The following TECPR2 variants were observed in gnomAD, a reference collection of about 807,000 sequenced individuals.
TECPR2 encodes the protein tectonin beta-propeller repeat containing 2.
TECPR2 carries 65 observed loss-of-function variants against 138.1 expected under a neutral mutation model. The ratio of observed to expected loss-of-function variants is 0.47; its 90% CI spans 0.39 to 0.58. The LOEUF (loss-of-function observed/expected upper bound fraction) is 0.58. Ranked by LOEUF, TECPR2 falls within the 20% of genes least tolerant of loss-of-function variation. The pLI, the probability that TECPR2 is intolerant of heterozygous loss-of-function variation, is 0.00. For synonymous variants in TECPR2, 746 were observed against 749.8 expected (o/e 0.99, Z 0.08); for missense variants, 1,553 against 1,824.5 (o/e 0.85, Z 2.71).
chr14:102,490,669 C>T (rs534166506), intron 17 of TECPR2, among the ~76,000 whole-genome samples: 2 of 152,286 alleles, frequency 1.3e-5, no homozygotes, highest in African/African-American at 4.8e-5. Flanking sequence ...AGAGCAGACA[C>T]CCCAGGGCCA....
chr14:102,381,448 C>T (rs1479407779), intron 2 of TECPR2, among the ~76,000 whole-genome samples: 2 of 152,196 alleles, frequency 1.3e-5, no homozygotes, highest in South Asian at 2.1e-4. Context: ...GTGGCTCATG[C>T]CTGTAATCCC....
intron 2 of TECPR2, among the ~76,000 whole-genome samples, chr14:102,406,400 G>A (rs1321406639): frequency 1.3e-5 from 2 of 151,972 alleles, no homozygotes; most frequent in Non-Finnish European, 2.9e-5. Flanking sequence ...TACAAAAAAA[G>A]CGGGGCGTGG....
At position 102,384,332 on chromosome 14, in the gene TECPR2, A is replaced by G. The variant is rs962218969; in HGVS notation, c.219+7392A>G. On this transcript the variant is annotated intron_variant, in intron 2 of 19. Coordinates refer to ENST00000359520, the MANE Select transcript of TECPR2 (RefSeq NM_014844.5). ...GGCAGCTGCATCTGGTGGGGACCTC[A>G]TGCTGCTTCCACTCATGGTGGGAAT... Among the ~76,000 whole-genome samples, 8 of 152,136 alleles carry G rather than the reference A, an allele frequency of 5.3e-5. No homozygotes were observed. In the East Asian group the frequency reaches 1.4e-3, roughly 26 times the overall value.
At chr14:102,366,260 G>A (rs1055093769) in intron 1 of TECPR2, among the ~76,000 whole-genome samples, 1 of 152,150 alleles carries the variant, frequency 6.6e-6, no homozygotes, top group Non-Finnish European at 1.5e-5. Context: ...AGGAAGCATC[G>A]TAACTTGAAG....
rs535984240 is a variant in TECPR2 at position 102,452,894 on chromosome 14, G to C, written c.3640+267G>C. ...GCGTCCTCAGGTCAAGGGGCCACTC[G>C]CTGCGAGCGGCTTGAAGGATACTGG... is the stretch of plus-strand genomic sequence containing the variant. On this transcript the variant is annotated intron_variant, in intron 16 of 19. Coordinates refer to ENST00000359520, the MANE Select transcript of TECPR2 (RefSeq NM_014844.5). 3.3e-5 allele frequency among the ~76,000 whole-genome samples: 5 copies of C among 152,318 alleles called. No individual in the cohort carries two copies. The East Asian group carries it at 9.7e-4, about 29-fold the overall frequency.
At chr14:102,457,982 T>A (rs1161114046) in intron 16 of TECPR2, among the ~76,000 whole-genome samples, 1 of 149,544 alleles carries the variant, frequency 6.7e-6, no homozygotes, top group African/African-American at 2.5e-5. Flanking sequence ...CAAGCGATTC[T>A]CCTGCCTCAG....
intron 16 of TECPR2, among the ~76,000 whole-genome samples, chr14:102,458,167 C>T (rs1436169226): frequency 6.6e-6 from 1 of 152,142 alleles, no homozygotes; most frequent in Non-Finnish European, 1.5e-5. Flanking sequence ...AGCCACTGAG[C>T]CCTGCTGCTC....
chr14:102,376,041 G>A (rs1251384141), intron 1 of TECPR2, among the ~76,000 whole-genome samples: 1 of 152,192 alleles, frequency 6.6e-6, no homozygotes, highest in Non-Finnish European at 1.5e-5. Context: ...AGAGTAAGGT[G>A]CTGTGTGGCT....
At chr14:102,425,397 GA>G (rs1167865372) in intron 6 of TECPR2, 106 bp downstream of exon 6, 8 of 1,122,210 alleles carry the variant, frequency 7.1e-6, no homozygotes, top group Non-Finnish European at 1.2e-6. Flanking sequence ...GAGCAGTATT[GA>G]CTTACACTTT....
chr14:102,412,612 C>CT lies in TECPR2; in HGVS notation c.481-2010dup, dbSNP rs755517514. On this transcript the variant is annotated intron_variant, in intron 4 of 19. Coordinates refer to ENST00000359520, the MANE Select transcript of TECPR2 (RefSeq NM_014844.5). ...TACTTGTTTTCCTTGAAGTGACAGGCTTTTTTTTTTTTTTGAGAAAATGTC... is the reference window on the plus strand; with the variant it reads ...TACTTGTTTTCCTTGAAGTGACAGGCTTTTTTTTTTTTTTTGAGAAAATGTC... Among the ~76,000 whole-genome samples the CT allele has an allele frequency of 1.9e-3, 263 of 138,368 alleles. 1 individual carries two copies. Among genetic ancestry groups the CT allele is most frequent in the Middle Eastern group, 3.7e-3 (1 of 270 alleles). The allele number at this position is 138,368 out of a possible 152,430, so 90.8% of individuals were successfully genotyped here.
rs1309353 is a variant in TECPR2 at position 102,428,256 on chromosome 14, G to A, written c.958G>A (p.Val320Ile). 0.94 allele frequency: 1,399,554 copies of A among 1,495,682 alleles called. 658,045 individuals are homozygous for A. Among genetic ancestry groups the A allele is most frequent in the African/African-American group, 0.99 (62,156 of 62,940 alleles). 92.7% of individuals were successfully genotyped at this position (1,495,682 alleles called of 1,614,324 possible). ...YLLDTVNQAT[V>I]AGLEGSGDIV... is the part of the protein sequence containing the mutation. ...TTTTTTTTTTTTTTGACAGGCCACAGTTGCTGGTTTGGAAGGATCCGGTGA... is the reference window on the plus strand; with the variant it reads ...TTTTTTTTTTTTTTGACAGGCCACAATTGCTGGTTTGGAAGGATCCGGTGA... Residue 320 changes from valine (V) to isoleucine (I), a missense_variant, in exon 7 of 20, where the codon GTT becomes ATT. By Grantham distance (29) the Val-to-Ile change is conservative. Coordinates refer to ENST00000359520, the MANE Select transcript of TECPR2 (RefSeq NM_014844.5).
rs1011917420 is a variant in TECPR2 at position 102,419,034 on chromosome 14, G to A, written c.638+4241G>A. ...AGAGCTGGCGTGGGAGGCGGGTGGCGGGTGTACCTCTCGGGGAGCTGTGCG... is the reference window on the plus strand; with the variant it reads ...AGAGCTGGCGTGGGAGGCGGGTGGCAGGTGTACCTCTCGGGGAGCTGTGCG... On this transcript the variant is annotated intron_variant, in intron 5 of 19. Coordinates refer to ENST00000359520, the MANE Select transcript of TECPR2 (RefSeq NM_014844.5). This position sits in a 1 kb window ranked among gnomAD's most constrained non-coding sequence, Gnocchi z 4.8. Among the ~76,000 whole-genome samples the A allele has an allele frequency of 6.6e-6, 1 of 152,066 alleles. No individual in the cohort carries two copies. The highest frequency in any genetic ancestry group is 1.5e-5 in the Non-Finnish European group (1 of 67,996).
intron 15 of TECPR2, 88 bp from the exon 16 acceptor site, chr14:102,452,306 G>C: frequency 7.3e-7 from 1 of 1,368,862 alleles, no homozygotes; most frequent in African/African-American, 1.4e-5. Context: ...GCTAGCGTCT[G>C]CTGAAAGGCA....
intron 17 of TECPR2, among the ~76,000 whole-genome samples, chr14:102,468,909 T>C (rs1051766564): frequency 9.2e-5 from 14 of 152,242 alleles, no homozygotes; most frequent in African/African-American, 2.9e-4. Context: ...TCAAAATCAA[T>C]TGATTGTAAA....
chr14:102,479,445 T>C (rs1383472634), intron 17 of TECPR2, among the ~76,000 whole-genome samples: 1 of 152,186 alleles, frequency 6.6e-6, no homozygotes, highest in African/African-American at 2.4e-5. Flanking sequence ...GGGTCATCTT[T>C]GGAGGATCTT....
chr14:102,432,199 T>G, intron 8 of TECPR2, 71 bp downstream of exon 8: 5 of 1,385,488 alleles, frequency 3.6e-6, no homozygotes, highest in Non-Finnish European at 4.8e-6. Flanking sequence ...GTGCTGCTGC[T>G]CACTGAGTGA....
At chr14:102,387,996 G>A (rs1266305593) in intron 2 of TECPR2, among the ~76,000 whole-genome samples, 1 of 152,222 alleles carries the variant, frequency 6.6e-6, no homozygotes, top group African/African-American at 2.4e-5. Context: ...TTCGCATTGA[G>A]AAAAGTCATG....
intron 2 of TECPR2, 150 bp downstream of exon 2, chr14:102,377,090 C>A: frequency 1.2e-6 from 1 of 835,194 alleles, no homozygotes; most frequent in Non-Finnish European, 1.8e-6. Context: ...CCATCTTTAG[C>A]TGAAGTGGAA....
At chr14:102,418,807 C>G (rs978506908) in intron 5 of TECPR2, among the ~76,000 whole-genome samples, 1 of 152,152 alleles carries the variant, frequency 6.6e-6, no homozygotes, top group African/African-American at 2.4e-5. Flanking sequence ...CGGACTGCTT[C>G]CAAGGCAGAG....
Sources: gnomAD v4.1 joint callset for allele counts (sites outside exome capture counted in the v4.1 genomes callset) on GRCh38, gnomAD v4.1.1 for gene constraint, Gnocchi (gnomAD v3.1) non-coding constraint, MANE v1.5 for transcripts, NCBI Gene and HGNC (gene_info 2026-07-23, HGNC 2026-07-21) for gene names.